Variants in CD44 observed in about 807,000 individuals in gnomAD.
CD44 encodes the protein CD44 molecule (IN blood group), also known as CD44 antigen.
In CD44, 49 loss-of-function variants were observed where a neutral mutation model predicts 88.8. The ratio of observed to expected loss-of-function variants is 0.55; its 90% confidence interval spans 0.44 to 0.70. The LOEUF is 0.70. Ranked by LOEUF, CD44 falls within the 30% of genes least tolerant of loss-of-function variation. The pLI, the probability that CD44 is intolerant of heterozygous loss-of-function variation, is 0.00. For synonymous variants in CD44, 325 were observed against 312.3 expected, an observed-to-expected ratio of 1.04 and a Z score of -0.43; for missense variants, 883 against 913.8, an observed-to-expected ratio of 0.97 and a Z score of 0.43.
At chr11:35,222,186 G>T (rs180734367) in intron 17 of CD44, among the ~76,000 whole-genome samples, 20 of 152,128 alleles carry the variant, frequency 1.3e-4, no homozygotes, top group African/African-American at 4.8e-4. Context: ...CACAAATATC[G>T]TATAAAGATT....
chr11:35,202,235 T>C (rs889989927), intron 9 of CD44, among the ~76,000 whole-genome samples: 14 of 152,218 alleles, frequency 9.2e-5, no homozygotes, highest in African/African-American at 3.4e-4. Flanking sequence ...GACTGTTCTA[T>C]AGAAAGACAT....
intron 1 of CD44, among the ~76,000 whole-genome samples, chr11:35,155,294 A>G (rs1411033031): frequency 6.6e-6 from 1 of 152,216 alleles, no homozygotes; most frequent in Non-Finnish European, 1.5e-5. Flanking sequence ...ATAAAATTGC[A>G]CTTCAGGTAG....
In CD44 at chr11:35,181,909, ATATATTATATAT is replaced by A. The variant is rs1407896111; in HGVS notation, c.367+1515_367+1526del. ...TTCTATATATAATATAATATATAAT[ATATATTATATAT>A]TATATTATATATAAATTATATATAA... On this transcript the variant is annotated intron_variant, in intron 3 of 17. Coordinates refer to ENST00000428726, the MANE Select transcript of CD44 (RefSeq NM_000610.4). 6.6e-3 allele frequency among the ~76,000 whole-genome samples: 410 copies of A among 61,968 alleles called. 13 individuals carry two copies. Among genetic ancestry groups the A allele is most frequent in the African/African-American group, 0.035 (394 of 11,202 alleles). The allele number at this position is 61,968 out of a possible 152,430, so 40.7% of individuals were successfully genotyped here. A position where few individuals can be genotyped will look rare whatever the true frequency, so the allele number is the denominator to read the frequency against.
chr11:35,216,471 T>C (rs1053684108), intron 15 of CD44, among the ~76,000 whole-genome samples: 10 of 152,230 alleles, frequency 6.6e-5, no homozygotes, highest in Non-Finnish European at 1.3e-4. Context: ...GATATTTACA[T>C]GGTGGCTTCC....
chr11:35,139,480 C>A, intron 1 of CD44, 110 bp downstream of exon 1: 1 of 972,532 alleles, frequency 1.0e-6, no homozygotes, highest in Non-Finnish European at 1.6e-6. Flanking sequence ...GTCAAGTGAG[C>A]TGTCTGCGAA....
At chr11:35,191,400 C>G (rs761317977) in intron 5 of CD44, among the ~76,000 whole-genome samples, 4 of 152,178 alleles carry the variant, frequency 2.6e-5, no homozygotes, top group African/African-American at 9.7e-5. Flanking sequence ...GCTGCCCATA[C>G]TTTCTTGGGT....
chr11:35,174,716 C>T (rs1021700227), intron 1 of CD44, among the ~76,000 whole-genome samples: 4 of 152,160 alleles, frequency 2.6e-5, no homozygotes, highest in Non-Finnish European at 5.9e-5. Context: ...ATTTTCAATG[C>T]CATTAACTCT....
intron 1 of CD44, among the ~76,000 whole-genome samples, chr11:35,146,716 T>C (rs1262483541): frequency 6.6e-6 from 1 of 152,226 alleles, no homozygotes; most frequent in Admixed American, 6.5e-5. Flanking sequence ...ATGCTCTTTG[T>C]CACTATGTTA....
intron 5 of CD44, among the ~76,000 whole-genome samples, chr11:35,192,006 G>A (rs954829904): frequency 6.6e-6 from 1 of 152,140 alleles, no homozygotes; most frequent in Non-Finnish European, 1.5e-5. Context: ...TAGGATGCTA[G>A]GAATTCAGAG....
At chr11:35,155,496 G>A (rs1392433519) in intron 1 of CD44, among the ~76,000 whole-genome samples, 3 of 152,088 alleles carry the variant, frequency 2.0e-5, no homozygotes, top group Non-Finnish European at 4.4e-5. Flanking sequence ...CTCACATGGG[G>A]GACACACTGC....
intron 10 of CD44, 30 bp from the exon 11 acceptor site, chr11:35,206,080 CTT>C: frequency 6.3e-7 from 1 of 1,580,996 alleles, no homozygotes; most frequent in Non-Finnish European, 8.6e-7. Flanking sequence ...TCCATTAACA[CTT>C]TGACAATTGC....
At chr11:35,185,336 G>C (rs1051829379) in intron 3 of CD44, among the ~76,000 whole-genome samples, 1 of 152,150 alleles carries the variant, frequency 6.6e-6, no homozygotes, top group Non-Finnish European at 1.5e-5. Flanking sequence ...CCAATTGAAT[G>C]TATAAAACTG....
At position 35,201,759 on chromosome 11, in the gene CD44, A is replaced by G; in HGVS notation, c.1125A>G (p.Glu375=). Residue 375 remains glutamate (E), a synonymous_variant, in exon 9 of 18, where the codon GAA becomes GAG. Transcript: ENST00000428726. The part of the protein sequence containing the change: ...PPLIHHEHHE[E]EETPHSTSTI... ...TCATTCACCATGAGCATCATGAGGA[A>G]GAAGAGACCCCACATTCTACAAGCA... The G allele has an allele frequency of 6.2e-7, 1 of 1,613,838 alleles. No homozygotes were observed. The highest frequency in any genetic ancestry group is 8.5e-7 in the Non-Finnish European group (1 of 1,179,760).
chr11:35,139,278 C>T lies in CD44; in HGVS notation c.-26C>T, dbSNP rs757827834. The stretch of plus-strand genomic sequence containing the variant: ...CAGGGATCCTCCAGCTCCTTTCGCC[C>T]GCGCCCTCCGTTCGCTCCGGACACC... On this transcript the variant is annotated 5_prime_UTR_variant, in exon 1 of 18. Coordinates refer to ENST00000428726, the MANE Select transcript of CD44 (RefSeq NM_000610.4). 9.9e-5 allele frequency: 153 copies of T among 1,549,732 alleles called. No homozygotes were observed. Among genetic ancestry groups the T allele is most frequent in the Non-Finnish European group, 1.3e-4 (148 of 1,144,470 alleles).
At chr11:35,168,714 A>G (rs561387679) in intron 1 of CD44, among the ~76,000 whole-genome samples, 1 of 152,336 alleles carries the variant, frequency 6.6e-6, no homozygotes, top group African/African-American at 2.4e-5. Flanking sequence ...AAATTAACTC[A>G]TTTTGCAGAA....
chr11:35,144,085 T>C (rs368413894), intron 1 of CD44, among the ~76,000 whole-genome samples: 2 of 152,154 alleles, frequency 1.3e-5, no homozygotes, highest in African/African-American at 4.8e-5. Context: ...CTAGGTGACA[T>C]GTGGCCACCC....
intron 1 of CD44, among the ~76,000 whole-genome samples, chr11:35,171,641 A>C (rs1943902953): frequency 6.6e-6 from 1 of 152,214 alleles, no homozygotes; most frequent in African/African-American, 2.4e-5. Context: ...TTAAAAGATA[A>C]AAGTTTAAAG....
At chr11:35,176,474 G>A in intron 1 of CD44, 101 bp from the exon 2 acceptor site, 4 of 1,085,950 alleles carry the variant, frequency 3.7e-6, no homozygotes, top group South Asian at 1.6e-5. Flanking sequence ...CACCGCGCCC[G>A]GCCTTATTTG....
chr11:35,147,442 C>T (rs1009923942), intron 1 of CD44, among the ~76,000 whole-genome samples: 4 of 152,148 alleles, frequency 2.6e-5, no homozygotes, highest in Non-Finnish European at 4.4e-5. Flanking sequence ...AGCATGTGAC[C>T]ATCCCATCAG....
Sources: gnomAD v4.1 joint callset for allele counts (sites outside exome capture counted in the v4.1 genomes callset) on GRCh38, gnomAD v4.1.1 for gene constraint, MANE v1.5 for transcripts, NCBI Gene and HGNC (gene_info 2026-07-23, HGNC 2026-07-21) for gene names.